Variants in RABGAP1L observed in about 807,000 individuals in gnomAD.
RABGAP1L encodes RAB GTPase activating protein 1 like, also known as rab GTPase-activating protein 1-like.
RABGAP1L carries 63 observed loss-of-function variants against 137.7 expected under a neutral mutation model. The observed-to-expected ratio is 0.46, with a 90% CI of 0.37 to 0.56. RABGAP1L has a LOEUF of 0.56. Ranked by LOEUF, RABGAP1L falls within the 20% of genes least tolerant of loss-of-function variation. The pLI, the probability that RABGAP1L is intolerant of heterozygous loss-of-function variation, is 0.00. For missense variants in RABGAP1L, 1,095 were observed against 1,244.0 expected, an observed-to-expected ratio of 0.88 and a Z score of 1.80; for synonymous variants, 431 against 433.7, an observed-to-expected ratio of 0.99 and a Z score of 0.08.
At chr1:174,507,760 C>T (rs557413247) in intron 13 of RABGAP1L, among the ~76,000 whole-genome samples, 1 of 152,102 alleles carries the variant, frequency 6.6e-6, no homozygotes, top group South Asian at 2.1e-4. Flanking sequence ...GGTCAATGAA[C>T]CCTAAAACCT....
In RABGAP1L at chr1:174,552,237, G is replaced by A. The variant is rs377478149; in HGVS notation, c.1711-85138G>A. On this transcript the variant is annotated intron_variant, in intron 13 of 25. Coordinates refer to ENST00000681986, the MANE Select transcript of RABGAP1L (RefSeq NM_001366446.1). ...TTACGTAGGTAAACTTGTGTGGTGG[G>A]GGTTTTTGTATAGATTATTTCATCA... Among the ~76,000 whole-genome samples the A allele has an allele frequency of 1.1e-4, 17 of 152,114 alleles. No individual in the cohort carries two copies. The East Asian group carries it at 1.9e-3, about 17-fold the overall frequency.
At chr1:174,223,085 T>C (rs1014230249) in intron 3 of RABGAP1L, among the ~76,000 whole-genome samples, 19 of 151,200 alleles carry the variant, frequency 1.3e-4, no homozygotes, top group African/African-American at 4.6e-4. Flanking sequence ...CTGGCTAATA[T>C]AGTGAAACCC....
intron 19 of RABGAP1L, among the ~76,000 whole-genome samples, chr1:174,918,315 A>G (rs1462721416): frequency 1.3e-5 from 2 of 152,166 alleles, no homozygotes; most frequent in Non-Finnish European, 2.9e-5. Context: ...AGCTCTAATT[A>G]TCTATAATGT....
intron 17 of RABGAP1L, among the ~76,000 whole-genome samples, chr1:174,718,802 C>G (rs888719036): frequency 1.3e-5 from 2 of 150,390 alleles, no homozygotes; most frequent in Non-Finnish European, 3.0e-5. Flanking sequence ...GATGGGGGAA[C>G]TCCTTTATAG....
At chr1:174,271,605 A>G (rs755998157) in intron 7 of RABGAP1L, among the ~76,000 whole-genome samples, 9 of 152,032 alleles carry the variant, frequency 5.9e-5, no homozygotes, top group Non-Finnish European at 1.2e-4. Flanking sequence ...AGCAGTATGA[A>G]TTTGGGTAAA....
chr1:174,436,490 T>G (rs1212446719), intron 13 of RABGAP1L, among the ~76,000 whole-genome samples: 1 of 152,212 alleles, frequency 6.6e-6, no homozygotes, highest in Admixed American at 6.5e-5. Flanking sequence ...TCACCCACTT[T>G]TTGATGGGGT....
intron 14 of RABGAP1L, among the ~76,000 whole-genome samples, chr1:174,673,033 C>T (rs1199963688): frequency 6.6e-6 from 1 of 152,068 alleles, no homozygotes; most frequent in Non-Finnish European, 1.5e-5. Context: ...TTTCTGTATT[C>T]TCTCTTTATC....
chr1:174,821,833 TA>T, intron 19 of RABGAP1L, among the ~76,000 whole-genome samples: 1 of 152,364 alleles, frequency 6.6e-6, no homozygotes, highest in Non-Finnish European at 1.5e-5. Flanking sequence ...CACTTTTGAT[TA>T]AAACACATCT....
chr1:174,897,405 C>G (rs981191257), intron 19 of RABGAP1L: 1 of 152,138 alleles, frequency 6.6e-6, no homozygotes, highest in Non-Finnish European at 1.5e-5. Flanking sequence ...GTGTGAAAAT[C>G]GTATGAAATC....
At chr1:174,616,225 C>G (rs1034407618) in intron 13 of RABGAP1L, among the ~76,000 whole-genome samples, 19 of 152,266 alleles carry the variant, frequency 1.2e-4, no homozygotes, top group African/African-American at 3.9e-4. Flanking sequence ...TTTGGGTGCC[C>G]CCCGTTGGTA....
chr1:174,895,408 A>C (rs1467325739), intron 19 of RABGAP1L, among the ~76,000 whole-genome samples: 1 of 140,224 alleles, frequency 7.1e-6, no homozygotes, highest in Non-Finnish European at 1.5e-5. Context: ...CATTCAGCCT[A>C]TTCTAATTCT....
intron 13 of RABGAP1L, among the ~76,000 whole-genome samples, chr1:174,499,857 G>C (rs1482322673): frequency 1.3e-5 from 2 of 152,010 alleles, no homozygotes; most frequent in African/African-American, 2.4e-5. Context: ...TTCAATTTCT[G>C]TTCCTGGGAC....
chr1:174,944,160 CTACT>C (rs1308197291), intron 19 of RABGAP1L, among the ~76,000 whole-genome samples: 1 of 150,568 alleles, frequency 6.6e-6, no homozygotes, highest in African/African-American at 2.4e-5. Context: ...GTAATCCTAG[CTACT>C]TACTCGGGAG....
At chr1:174,197,543 TTC>T (rs1195373453) in intron 1 of RABGAP1L, among the ~76,000 whole-genome samples, 1 of 152,162 alleles carries the variant, frequency 6.6e-6, no homozygotes, top group Non-Finnish European at 1.5e-5. Flanking sequence ...CACTGCTTGA[TTC>T]TCTGTTTCTT....
intron 13 of RABGAP1L, among the ~76,000 whole-genome samples, chr1:174,420,709 C>A (rs1444272868): frequency 2.1e-5 from 3 of 142,814 alleles, no homozygotes; most frequent in Non-Finnish European, 4.5e-5. Context: ...GAGTCTTGCT[C>A]TGTCACCCAG....
chr1:174,614,998 A>T (rs768129623), intron 13 of RABGAP1L, among the ~76,000 whole-genome samples: 27 of 152,106 alleles, frequency 1.8e-4, no homozygotes, highest in African/African-American at 6.5e-4. Flanking sequence ...TTTCAAAGTT[A>T]TTAACTTCTT....
In RABGAP1L at chr1:174,354,793, G is replaced by A. The variant is rs1571371368; in HGVS notation, c.1466-16186G>A. Among the ~76,000 whole-genome samples, 11 of 152,216 alleles carry A rather than the reference G, an allele frequency of 7.2e-5. No individual in the cohort carries two copies. The South Asian group carries it at 2.3e-3, about 32-fold the overall frequency. ...TTCTTCTAGGGTTTTTATGGTTTTA[G>A]GTCTAACATGTAAGTCTTTAATCCA... On this transcript the variant is annotated intron_variant, in intron 11 of 25. Transcript: ENST00000681986.
At chr1:174,340,861 A>T (rs1467427505) in intron 11 of RABGAP1L, among the ~76,000 whole-genome samples, 2 of 152,184 alleles carry the variant, frequency 1.3e-5, no homozygotes, top group South Asian at 4.1e-4. Flanking sequence ...GTCTTCCACA[A>T]TGGTTGAAAT....
At chr1:174,492,006 G>C (rs937647449) in intron 13 of RABGAP1L, among the ~76,000 whole-genome samples, 5 of 152,186 alleles carry the variant, frequency 3.3e-5, no homozygotes, top group African/African-American at 1.2e-4. Flanking sequence ...CCTATTCAAT[G>C]CCTCTTTCTG....
Sources: gnomAD v4.1 joint callset for allele counts (sites outside exome capture counted in the v4.1 genomes callset) on GRCh38, gnomAD v4.1.1 for gene constraint, MANE v1.5 for transcripts, NCBI Gene and HGNC (gene_info 2026-07-23, HGNC 2026-07-21) for gene names.